The following DOCK3 variants were observed in gnomAD, a reference collection of about 807,000 sequenced individuals.
The protein encoded by DOCK3 is dedicator of cytokinesis protein 3.
In DOCK3, 60 loss-of-function variants were observed where a neutral mutation model predicts 265.6. The ratio of observed to expected loss-of-function variants is 0.23; its 90% CI spans 0.18 to 0.28. DOCK3 has a LOEUF of 0.28. Among genes scored for constraint, DOCK3 ranks in the 10% least tolerant of loss-of-function variants. The pLI, the probability that DOCK3 is intolerant of heterozygous loss-of-function variation, is 1.00. For missense variants in DOCK3, 1,981 were observed against 2,594.3 expected, an observed-to-expected ratio of 0.76 and a Z score of 5.14; for synonymous variants, 881 against 938.0, an observed-to-expected ratio of 0.94 and a Z score of 1.11.
At chr3:50,981,382 T>TA (rs774617540) in intron 5 of DOCK3, among the ~76,000 whole-genome samples, 1 of 152,368 alleles carries the variant, frequency 6.6e-6, no homozygotes, top group East Asian at 1.9e-4. Context: ...CCAGATGGCC[T>TA]AGCCTAGAGA....
At chr3:50,971,535 T>C (rs1470890980) in intron 5 of DOCK3, among the ~76,000 whole-genome samples, 1 of 152,152 alleles carries the variant, frequency 6.6e-6, no homozygotes, top group East Asian at 1.9e-4. Flanking sequence ...CGGGACCAGG[T>C]TGGCGAGGTC....
chr3:51,018,317 G>A (rs2079440591), intron 5 of DOCK3, among the ~76,000 whole-genome samples: 2 of 151,442 alleles, frequency 1.3e-5, no homozygotes, highest in Non-Finnish European at 2.9e-5. Flanking sequence ...GAACACCTTG[G>A]CTGGGCGTGG....
At chr3:51,316,091 C>A in intron 32 of DOCK3, among the ~76,000 whole-genome samples, 1 of 152,098 alleles carries the variant, frequency 6.6e-6, no homozygotes, top group East Asian at 1.9e-4. Flanking sequence ...TAACCACTAC[C>A]ACAATCAAGA....
At chr3:51,098,051 C>A (rs1244067105) in intron 9 of DOCK3, among the ~76,000 whole-genome samples, 2 of 152,164 alleles carry the variant, frequency 1.3e-5, no homozygotes, top group African/African-American at 4.8e-5. Flanking sequence ...AGATCTGTTC[C>A]TATTTGACCA....
At position 51,282,248 on chromosome 3, in the gene DOCK3, AT is replaced by A. The variant is rs558526001; in HGVS notation, c.2922+2046del. ...TAGGCTATGGCCTAATTAAGCTATAATTATGCCATAAAATTCATACTTTTAA... is the reference window on the plus strand; with the variant it reads ...TAGGCTATGGCCTAATTAAGCTATAATATGCCATAAAATTCATACTTTTAA... On this transcript the variant is annotated intron_variant, in intron 27 of 52. Coordinates refer to ENST00000266037, the MANE Select transcript of DOCK3 (RefSeq NM_004947.5). Among the ~76,000 whole-genome samples the A allele has an allele frequency of 1.9e-3, 291 of 152,338 alleles. 1 individual carries two copies. Among genetic ancestry groups the A allele is most frequent in the Non-Finnish European group, 2.8e-3 (188 of 68,040 alleles).
intron 6 of DOCK3, among the ~76,000 whole-genome samples, chr3:51,067,096 A>G (rs1298257757): frequency 6.6e-6 from 1 of 152,224 alleles, no homozygotes; most frequent in Non-Finnish European, 1.5e-5. Flanking sequence ...AGAATACAGT[A>G]ATTGCAAATA....
At chr3:51,239,558 T>G (rs1209892816) in intron 21 of DOCK3, among the ~76,000 whole-genome samples, 5 of 139,506 alleles carry the variant, frequency 3.6e-5, no homozygotes, top group African/African-American at 5.3e-5. Flanking sequence ...GTCCTGGGTT[T>G]TTTTTTTGTT....
intron 22 of DOCK3, among the ~76,000 whole-genome samples, chr3:51,258,122 G>A (rs184917329): frequency 6.6e-5 from 10 of 152,256 alleles, no homozygotes; most frequent in East Asian, 1.9e-4. Flanking sequence ...AAGTCACTTC[G>A]CTGTCTGGTT....
chr3:51,089,244 A>T lies in DOCK3; in HGVS notation c.551A>T (p.His184Leu). 4.4e-6 allele frequency: 7 copies of T among 1,607,634 alleles called. No homozygotes were observed. Among genetic ancestry groups the T allele is most frequent in the Non-Finnish European group, 5.1e-6 (6 of 1,176,864 alleles). Reference sequence around the variant, plus strand: ...ATTTTTCTTTCCTTCTTTCCATAGCATTTATCTAGCCGGCAGAGTGTACAG... The same window carrying T: ...ATTTTTCTTTCCTTCTTTCCATAGCTTTTATCTAGCCGGCAGAGTGTACAG... ...QISVSDLYKM[H>L]LSSRQSVQQS... Residue 184 changes from histidine (H) to leucine (L), a missense_variant and splice_region_variant, in exon 8 of 53, where the codon CAT becomes CTT. By Grantham distance (99) the His-to-Leu change is moderately conservative. Transcript: ENST00000266037.
chr3:50,980,264 G>A (rs2077641748), intron 5 of DOCK3, among the ~76,000 whole-genome samples: 1 of 152,068 alleles, frequency 6.6e-6, no homozygotes, highest in African/African-American at 2.4e-5. Context: ...CACATTTATT[G>A]GCTTGCAGAT....
chr3:50,802,372 C>T (rs72942567), intron 2 of DOCK3, among the ~76,000 whole-genome samples: 10,943 of 151,828 alleles, frequency 0.072, 983 homozygotes, highest in East Asian at 0.33. Flanking sequence ...TTTATTGTTC[C>T]GTATGTTTTA....
intron 2 of DOCK3, among the ~76,000 whole-genome samples, chr3:50,830,211 A>G (rs1362325925): frequency 6.6e-6 from 1 of 152,216 alleles, no homozygotes; most frequent in Non-Finnish European, 1.5e-5. Context: ...AAGTGAAAAA[A>G]ATCAGTATTT....
At chr3:50,767,596 A>G (rs1201375051) in intron 1 of DOCK3, among the ~76,000 whole-genome samples, 1 of 152,068 alleles carries the variant, frequency 6.6e-6, no homozygotes, top group Non-Finnish European at 1.5e-5. Context: ...TGTCTTGGCA[A>G]TGCGGGCCCG....
intron 10 of DOCK3, among the ~76,000 whole-genome samples, chr3:51,156,697 G>A (rs1176575730): frequency 6.6e-6 from 1 of 152,168 alleles, no homozygotes; most frequent in East Asian, 1.9e-4. Flanking sequence ...CTGTGTACAT[G>A]ATTGTCAGAA....
chr3:50,710,013 A>G (rs2036653297), intron 1 of DOCK3, among the ~76,000 whole-genome samples: 1 of 152,278 alleles, frequency 6.6e-6, no homozygotes, highest in Admixed American at 6.5e-5. Context: ...AGCGTGGGCA[A>G]CATAGCAAGA....
chr3:50,901,104 C>G (rs1033438522), intron 4 of DOCK3: 1 of 254,418 alleles, frequency 3.9e-6, no homozygotes, highest in African/African-American at 2.3e-5. Context: ...TGCTCTGTCC[C>G]AGGGAGATGG....
chr3:51,199,051 G>A (rs1390240802), intron 12 of DOCK3, among the ~76,000 whole-genome samples: 1 of 152,028 alleles, frequency 6.6e-6, no homozygotes, highest in African/African-American at 2.4e-5. Context: ...AAAAAAGAGG[G>A]GAGGAGCCGA....
chr3:50,919,735 C>G (rs930113326), intron 4 of DOCK3, among the ~76,000 whole-genome samples: 18 of 152,052 alleles, frequency 1.2e-4, no homozygotes, highest in African/African-American at 4.1e-4. Context: ...AATTAAATAC[C>G]CTTTATTTCT....
At chr3:50,760,676 T>C (rs1209109850) in intron 1 of DOCK3, among the ~76,000 whole-genome samples, 2 of 152,236 alleles carry the variant, frequency 1.3e-5, no homozygotes, top group Non-Finnish European at 2.9e-5. Context: ...TTACGATGGA[T>C]TTATCAGAAT....
Sources: allele counts gnomAD v4.1 joint callset (sites outside exome capture counted in the v4.1 genomes callset), GRCh38; gene constraint gnomAD v4.1.1; transcripts MANE v1.5; gene names NCBI Gene and HGNC (gene_info 2026-07-23, HGNC 2026-07-21).